TMEM74: variants seen among roughly 807,000 people sequenced by gnomAD.
TMEM74 encodes the protein transmembrane protein 74.
TMEM74 carries 13 observed loss-of-function variants against 18.1 expected under a neutral mutation model. That is an observed-to-expected ratio of 0.72 (90% confidence interval 0.47 to 1.14). TMEM74 has a LOEUF of 1.14. TMEM74 is among the 50% of genes most tolerant of loss of function. TMEM74 has a pLI of 0.00. For missense variants in TMEM74, 372 were observed against 375.9 expected, an observed-to-expected ratio of 0.99 and a Z score of 0.09; for synonymous variants, 159 against 146.6, an observed-to-expected ratio of 1.08 and a Z score of -0.61.
intron 1 of TMEM74, among the ~76,000 whole-genome samples, chr8:108,766,670 A>T (rs532174554): frequency 6.6e-6 from 1 of 152,262 alleles, no homozygotes; most frequent in African/African-American, 2.4e-5. Flanking sequence ...TTTATTAAGG[A>T]AAATGGACTC....
At chr8:108,669,936 G>A (rs972545485) in intron 1 of TMEM74, among the ~76,000 whole-genome samples, 3 of 151,446 alleles carry the variant, frequency 2.0e-5, no homozygotes, top group Non-Finnish European at 4.4e-5. Context: ...TATGGGGGAG[G>A]CTGAGGCAAG....
chr8:108,609,879 T>C (rs150543467), intron 2 of TMEM74, among the ~76,000 whole-genome samples: 148 of 152,268 alleles, frequency 9.7e-4, no homozygotes, highest in African/African-American at 3.3e-3. Flanking sequence ...TCAGCATAAT[T>C]TAAGAAGAAC....
chr8:108,638,580 AG>A (rs1041738761), intron 2 of TMEM74, among the ~76,000 whole-genome samples: 10 of 151,336 alleles, frequency 6.6e-5, no homozygotes, highest in Non-Finnish European at 1.3e-4. Flanking sequence ...AAAAAAAAAA[AG>A]TTTATCGGGA....
chr8:108,785,167 C>G (rs1305408601), intron 1 of TMEM74, 30 bp from the exon 2 acceptor site: 26 of 1,488,346 alleles, frequency 1.7e-5, no homozygotes, highest in Non-Finnish European at 2.1e-5. Context: ...TAGATAAGAA[C>G]CCAACAGAAG....
intron 1 of TMEM74, among the ~76,000 whole-genome samples, chr8:108,728,960 C>T (rs774875786): frequency 1.4e-4 from 22 of 152,230 alleles, no homozygotes; most frequent in East Asian, 7.7e-4. Context: ...TTTAGAAGTG[C>T]GAGAATTATA....
chr8:108,734,843 C>T (rs1813730021), intron 1 of TMEM74, among the ~76,000 whole-genome samples: 1 of 152,186 alleles, frequency 6.6e-6, no homozygotes, highest in South Asian at 2.1e-4. Flanking sequence ...CTGTGTATGG[C>T]ACTAGGCATT....
chr8:108,680,997 C>G (rs890229404), intron 1 of TMEM74, among the ~76,000 whole-genome samples: 2 of 152,180 alleles, frequency 1.3e-5, no homozygotes, highest in African/African-American at 4.8e-5. Context: ...CTACAAACCA[C>G]TGTTCAATGA....
chr8:108,756,572 G>GA (rs1813962490), intron 1 of TMEM74, among the ~76,000 whole-genome samples: 1 of 111,222 alleles, frequency 9.0e-6, no homozygotes, highest in Non-Finnish European at 1.8e-5. Context: ...AAGAAAGAAA[G>GA]AAAGAAAGAA....
chr8:108,619,727 A>C (rs1812420636), intron 2 of TMEM74, among the ~76,000 whole-genome samples: 1 of 152,160 alleles, frequency 6.6e-6, no homozygotes, highest in Non-Finnish European at 1.5e-5. Context: ...TTATTTACAT[A>C]TATGCATGCT....
intron 1 of TMEM74, among the ~76,000 whole-genome samples, chr8:108,672,712 A>T (rs1249693821): frequency 6.6e-6 from 1 of 152,226 alleles, no homozygotes; most frequent in Non-Finnish European, 1.5e-5. Context: ...CATGGAATTT[A>T]ACTTTCCTCC....
chr8:108,755,156 C>A (rs1015334791), intron 1 of TMEM74, among the ~76,000 whole-genome samples: 3 of 152,082 alleles, frequency 2.0e-5, no homozygotes, highest in Admixed American at 6.6e-5. Flanking sequence ...AGGCTGTCTC[C>A]AGGAACACTG....
intron 2 of TMEM74, among the ~76,000 whole-genome samples, chr8:108,628,071 A>G (rs1335262091): frequency 8.6e-5 from 13 of 152,002 alleles, no homozygotes; most frequent in African/African-American, 1.2e-4. Context: ...AATAAAAAAT[A>G]AAATAAAATA....
chr8:108,774,295 C>T (rs1438794489), downstream of TMEM74, among the ~76,000 whole-genome samples: 1 of 152,168 alleles, frequency 6.6e-6, no homozygotes, highest in Non-Finnish European at 1.5e-5. Context: ...CAAATGCTAA[C>T]CAACTGGACT....
In TMEM74 at chr8:108,745,248, C is replaced by T. The variant is rs146439311; in HGVS notation, n.119+42228G>A. Among the ~76,000 whole-genome samples the T allele has an allele frequency of 1.2e-4, 18 of 152,130 alleles. No homozygotes were observed. In the East Asian group the frequency reaches 3.5e-3, roughly 30 times the overall value. On this transcript the variant is annotated intron_variant and non_coding_transcript_variant, in intron 1 of 3. Transcript: ENST00000518838. ...TTCTCAGTGGTTAGCAAACTTTTTC[C>T]ATGAAAGGCCAGAGTAAATATGCAG...
intron 1 of TMEM74, among the ~76,000 whole-genome samples, chr8:108,692,462 G>A (rs531986372): frequency 2.6e-4 from 39 of 152,076 alleles, no homozygotes; most frequent in Non-Finnish European, 4.6e-4. Flanking sequence ...CCCCTTACTG[G>A]CATTCCTCTC....
chr8:108,669,507 A>T (rs79293555), intron 1 of TMEM74, among the ~76,000 whole-genome samples: 169 of 152,308 alleles, frequency 1.1e-3, no homozygotes, highest in African/African-American at 3.6e-3. Context: ...GAAGAAAATC[A>T]TATCCTTCAA....
At chr8:108,778,495 T>C (rs566987565), downstream of TMEM74, among the ~76,000 whole-genome samples, 1 of 152,272 alleles carries the variant, frequency 6.6e-6, no homozygotes, top group South Asian at 2.1e-4. Context: ...CCAAAAGAAC[T>C]TCTAGAAAAA....
Position 108,784,125 on chromosome 8 carries a change from A to G in TMEM74, c.*56T>C. The G allele has an allele frequency of 4.2e-6, 6 of 1,422,696 alleles. No individual in the cohort carries two copies. The allele number at this position is 1,422,696 out of a possible 1,614,324, so 88.1% of individuals were successfully genotyped here. ...TTGCACTGTGAATTTTTATAAATTA[A>G]CTTTTTTCATATTATAAAATGCCAA... On this transcript the variant is annotated 3_prime_UTR_variant, in exon 2 of 2. Transcript: ENST00000297459.
intron 1 of TMEM74, among the ~76,000 whole-genome samples, chr8:108,749,009 C>T (rs563595281): frequency 5.3e-5 from 8 of 152,026 alleles, no homozygotes; most frequent in South Asian, 2.1e-4. Context: ...GAGAATATAG[C>T]GAAAATACAG....
Sources: gnomAD v4.1 joint callset for allele counts (sites outside exome capture counted in the v4.1 genomes callset) on GRCh38, gnomAD v4.1.1 for gene constraint, MANE v1.5 for transcripts, NCBI Gene and HGNC (gene_info 2026-07-23, HGNC 2026-07-21) for gene names.